DNAI3: variants seen among roughly 807,000 people sequenced by gnomAD.
DNAI3 encodes WD repeat domain 63.
DNAI3 carries 83 observed loss-of-function variants against 115.5 expected under a neutral mutation model. The ratio of observed to expected loss-of-function variants is 0.72; its 90% CI spans 0.60 to 0.86. The LOEUF is 0.86. Among genes scored for constraint, DNAI3 ranks in the 40% least tolerant of loss-of-function variants. The pLI is 0.00. For missense variants in DNAI3, 1,004 were observed against 1,075.8 expected (o/e 0.93, Z 0.93); for synonymous variants, 320 against 347.0 (o/e 0.92, Z 0.86).
intron 19 of DNAI3, 130 bp from the exon 20 acceptor site, chr1:85,126,381 T>A: frequency 1.1e-6 from 1 of 921,754 alleles, no homozygotes. Context: ...AAGTAAGACT[T>A]CCTGTGGGCA....
At chr1:85,063,761 T>C (rs975690972) in intron 1 of DNAI3, among the ~76,000 whole-genome samples, 2 of 152,236 alleles carry the variant, frequency 1.3e-5, no homozygotes, top group East Asian at 1.9e-4. Flanking sequence ...GCCTCTTGAG[T>C]AGTTGTTCTG....
Position 85,085,917 on chromosome 1 carries a change from C to G in DNAI3, c.627C>G (p.Ala209=). ...AGAATGCTTCCAGTGTAAAAGATGC[C>G]TATATTGAATGTACAGCCTACCCAG... is the stretch of plus-strand genomic sequence containing the variant. ...SDQNASSVKD[A]YIECTAYPDK... The change falls in exon 7 of 23, where the codon GCC becomes GCG. Residue 209 remains alanine (A), a synonymous_variant. Transcript: ENST00000294664. 1.2e-6 allele frequency: 2 copies of G among 1,614,118 alleles called. No individual in the cohort carries two copies. Among genetic ancestry groups the G allele is most frequent in the Non-Finnish European group, 1.7e-6 (2 of 1,180,010 alleles).
At chr1:85,106,487 C>T (rs552888006) in intron 14 of DNAI3, among the ~76,000 whole-genome samples, 2 of 152,206 alleles carry the variant, frequency 1.3e-5, no homozygotes, top group South Asian at 2.1e-4. Context: ...AAAGAAGATA[C>T]ACAAATGGTC....
chr1:85,128,861 TA>T lies in DNAI3; in HGVS notation c.2409+69del, dbSNP rs1447300289. ...ACCAGATATTGCTGAGATATGTCTT[TA>T]AAAAAATGTTAGAAATGACAGCATT... On this transcript the variant is annotated intron_variant, in intron 21 of 22. Coordinates refer to ENST00000294664, the MANE Select transcript of DNAI3 (RefSeq NM_145172.5). 3.4e-5 allele frequency: 50 copies of T among 1,453,734 alleles called. No homozygotes were observed. The Middle Eastern group carries it at 6.5e-4, about 19-fold the overall frequency. The allele number at this position is 1,453,734 out of a possible 1,614,324, so 90.1% of individuals were successfully genotyped here. A position where few individuals can be genotyped will look rare whatever the true frequency, so the allele number is the denominator to read the frequency against.
At chr1:85,066,892 A>T (rs1228516845) in intron 1 of DNAI3, among the ~76,000 whole-genome samples, 1 of 152,222 alleles carries the variant, frequency 6.6e-6, no homozygotes, top group Non-Finnish European at 1.5e-5. Context: ...TTAAAAAGAA[A>T]GATCTACATA....
intron 7 of DNAI3, among the ~76,000 whole-genome samples, chr1:85,088,300 G>T (rs1047613721): frequency 1.3e-5 from 2 of 151,998 alleles, no homozygotes; most frequent in African/African-American, 2.4e-5. Flanking sequence ...TACATAGAGG[G>T]AGTAAACAGA....
chr1:85,117,624 A>C, intron 16 of DNAI3, 105 bp from the exon 17 acceptor site: 2 of 1,463,668 alleles, frequency 1.4e-6, no homozygotes, highest in East Asian at 2.3e-5. Flanking sequence ...TGGGAAGGGA[A>C]TGGGGCAAAT....
chr1:85,092,241 A>T (rs749556495), intron 8 of DNAI3, among the ~76,000 whole-genome samples: 1 of 152,178 alleles, frequency 6.6e-6, no homozygotes, highest in African/African-American at 2.4e-5. Flanking sequence ...ATTTTGAAAG[A>T]TGAAATACAA....
chr1:85,074,221 C>T (rs1272271987), intron 3 of DNAI3, among the ~76,000 whole-genome samples: 1 of 152,164 alleles, frequency 6.6e-6, no homozygotes, highest in Non-Finnish European at 1.5e-5. Flanking sequence ...GGTTAGTTCC[C>T]AAGGCTCCTA....
intron 8 of DNAI3, among the ~76,000 whole-genome samples, chr1:85,091,295 T>A (rs942144670): frequency 9.2e-5 from 14 of 152,180 alleles, no homozygotes; most frequent in Non-Finnish European, 1.5e-5. Flanking sequence ...AATAAAAAAA[T>A]GTTCAAAATA....
At chr1:85,080,046 C>CTTTTTTTTTTTTTTT (rs35938324) in intron 3 of DNAI3, among the ~76,000 whole-genome samples, 9 of 68,380 alleles carry the variant, frequency 1.3e-4, no homozygotes, top group Admixed American at 4.0e-4. Flanking sequence ...TTTTCTTTTT[C>CTTTTTTTTTTTTTTT]TTTTTTTTTT....
intron 8 of DNAI3, among the ~76,000 whole-genome samples, chr1:85,091,445 A>G (rs1249163343): frequency 1.3e-5 from 2 of 152,226 alleles, no homozygotes; most frequent in Non-Finnish European, 2.9e-5. Flanking sequence ...CTATAAGAAG[A>G]AAGAGGAAAA....
intron 18 of DNAI3, among the ~76,000 whole-genome samples, chr1:85,123,702 C>T (rs1489533321): frequency 6.6e-6 from 1 of 152,090 alleles, no homozygotes; most frequent in Non-Finnish European, 1.5e-5. Flanking sequence ...ACATTGTATA[C>T]TTTGGGATGT....
rs1302026596 is a variant in DNAI3 at position 85,081,246 on chromosome 1, T to C, written c.116T>C (p.Ile39Thr). 1.3e-6 allele frequency: 2 copies of C among 1,579,004 alleles called. No individual in the cohort carries two copies. The highest frequency in any genetic ancestry group is 4.6e-5 in the East Asian group (2 of 43,438). ...TTGTCTTTCCTAGGTCATCCAGAAA[T>C]TTATCCTTTAGTATTAACCACCAAG... ...VNMESMGHPE[I>T]YPLVLTTKTQ... The change falls in exon 4 of 23, where the codon ATT (isoleucine) becomes ACT (threonine). Residue 39 changes from isoleucine to threonine, a missense_variant. By Grantham distance (89) the Ile-to-Thr change is moderately conservative. Around this residue, in one of 3 missense-constraint regions of DNAI3, gnomAD observed 550 missense variants for 568.1 expected, o/e 0.97. Transcript: ENST00000294664.
At position 85,071,124 on chromosome 1, in the gene DNAI3, G is replaced by A. The variant is rs186787381; in HGVS notation, c.-14-804G>A. Among the ~76,000 whole-genome samples, 570 of 152,350 alleles carry A rather than the reference G, an allele frequency of 3.7e-3. 3 individuals are homozygous for A. Among genetic ancestry groups the A allele is most frequent in the East Asian group, 0.011 (56 of 5,186 alleles). On this transcript the variant is annotated intron_variant, in intron 1 of 22. Coordinates refer to ENST00000294664, the MANE Select transcript of DNAI3 (RefSeq NM_145172.5). ...GTCTTCACAATCACCTTGTGGGGTA[G>A]ATTTTATTATTATCCCCATTAAATA... is the stretch of plus-strand genomic sequence containing the variant.
At chr1:85,117,675 T>G in intron 16 of DNAI3, 54 bp from the exon 17 acceptor site, 5 of 1,593,848 alleles carry the variant, frequency 3.1e-6, no homozygotes, top group Non-Finnish European at 4.3e-6. Context: ...GTCTATATTT[T>G]AAAAGATGTT....
intron 7 of DNAI3, among the ~76,000 whole-genome samples, chr1:85,089,851 A>G (rs980654884): frequency 6.6e-6 from 1 of 152,128 alleles, no homozygotes; most frequent in African/African-American, 2.4e-5. Flanking sequence ...CCTTCTTATA[A>G]CTTTTCTATA....
Position 85,133,133 on chromosome 1 carries a change from AT to A in DNAI3, c.*139del. ...ATTTCCCTGCTATTAAAACTTTTGA[AT>A]TTTAGCAATGAGATCTATTTCAGTT... On this transcript the variant is annotated 3_prime_UTR_variant, in exon 23 of 23. Coordinates refer to ENST00000294664, the MANE Select transcript of DNAI3 (RefSeq NM_145172.5). 10 of 1,038,902 alleles carry A rather than the reference AT, an allele frequency of 9.6e-6. No individual in the cohort carries two copies. The highest frequency in any genetic ancestry group is 1.3e-5 in the Non-Finnish European group (10 of 769,890). The allele number at this position is 1,038,902 out of a possible 1,614,324, so 64.4% of individuals were successfully genotyped here.
chr1:85,110,370 G>A (rs1655618152), intron 16 of DNAI3, among the ~76,000 whole-genome samples: 1 of 151,748 alleles, frequency 6.6e-6, no homozygotes, highest in South Asian at 2.1e-4. Flanking sequence ...AGAATGGCGT[G>A]AACCCGGGAG....
Sources: gnomAD v4.1 joint callset for allele counts (sites outside exome capture counted in the v4.1 genomes callset) on GRCh38, gnomAD v4.1.1 for gene constraint, gnomAD v4.1.1 regional missense constraint, MANE v1.5 for transcripts, NCBI Gene and HGNC (gene_info 2026-07-23, HGNC 2026-07-21) for gene names.